Variants in ROPN1L observed in about 807,000 individuals in gnomAD.
The protein encoded by ROPN1L is rhophilin associated tail protein 1 like.
ROPN1L carries 23 observed loss-of-function variants against 22.7 expected under a neutral mutation model. The observed-to-expected ratio is 1.01, with a 90% CI of 0.73 to 1.43. The LOEUF is 1.43. ROPN1L is among the 40% of genes most tolerant of loss of function. The probability of loss-of-function intolerance (pLI) is 0.00; values close to 1 mark genes in which losing one functional copy is unlikely to be tolerated. For synonymous variants in ROPN1L, 116 were observed against 117.8 expected, an observed-to-expected ratio of 0.98 and a Z score of 0.10; for missense variants, 271 against 291.5, an observed-to-expected ratio of 0.93 and a Z score of 0.51.
chr5:10,449,392 A>G (rs1007047024), intron 2 of ROPN1L, among the ~76,000 whole-genome samples: 2 of 151,944 alleles, frequency 1.3e-5, no homozygotes, highest in African/African-American at 4.8e-5. Flanking sequence ...GGTGGTGCGC[A>G]CCTGTAATCC....
At position 10,461,261 on chromosome 5, in the gene ROPN1L, C is replaced by G; in HGVS notation, c.495C>G (p.Phe165Leu). ...DPEGGPARIP[F>L]KTFSYVYRYL... ...AGGGCGGGCCCGCTCGCATCCCCTT[C>G]AAGACGTTTTCCTACGTTTACCGCT... is the stretch of plus-strand genomic sequence containing the variant. Residue 165 changes from phenylalanine to leucine, a missense_variant, in exon 4 of 5, where the codon TTC becomes TTG. Transcript: ENST00000274134. 1 of 1,614,182 alleles carries G rather than the reference C, an allele frequency of 6.2e-7. No individual in the cohort carries two copies. Among genetic ancestry groups the G allele is most frequent in the Non-Finnish European group, 8.5e-7 (1 of 1,180,026 alleles).
At position 10,464,926 on chromosome 5, in the gene ROPN1L, C is replaced by T; in HGVS notation, c.672C>T (p.Asn224=). The T allele has an allele frequency of 6.3e-7, 1 of 1,599,886 alleles. No homozygotes were observed. The highest frequency in any genetic ancestry group is 8.5e-7 in the Non-Finnish European group (1 of 1,171,700). The stretch of plus-strand genomic sequence containing the variant: ...GGAAACTTTTAGAAAGCATTGAAAA[C>T]TCTGAAGATGTAGGCCATTAATACA... The part of the protein sequence containing the change: ...PKRKLLESIE[N]SEDVGH The change falls in exon 5 of 5, where the codon AAC becomes AAT. Residue 224 remains asparagine (N), a synonymous_variant. Transcript: ENST00000274134.
At chr5:10,464,757 G>A (rs932506246) in intron 4 of ROPN1L, 91 bp from the exon 5 acceptor site, 1 of 712,024 alleles carries the variant, frequency 1.4e-6, no homozygotes, top group Non-Finnish European at 2.3e-6. Flanking sequence ...TTTAAAAGTA[G>A]ACCTTTTAAA....
intron 3 of ROPN1L, among the ~76,000 whole-genome samples, chr5:10,455,304 G>A (rs532839653): frequency 1.5e-4 from 23 of 152,290 alleles, no homozygotes; most frequent in African/African-American, 5.1e-4. Flanking sequence ...AAGCCCATTC[G>A]GAAGTGACCA....
At chr5:10,466,180 C>T (rs546367250), downstream of ROPN1L, among the ~76,000 whole-genome samples, 7 of 152,328 alleles carry the variant, frequency 4.6e-5, no homozygotes, top group East Asian at 1.9e-4. Flanking sequence ...GGAGAAAACT[C>T]GTGCGAATGC....
chr5:10,455,872 C>CTTTT (rs757510378), intron 3 of ROPN1L, among the ~76,000 whole-genome samples: 50 of 151,782 alleles, frequency 3.3e-4, no homozygotes, highest in African/African-American at 9.7e-4. Context: ...GGGTCAGAGG[C>CTTTT]ACAGCTTCAC....
intron 3 of ROPN1L, among the ~76,000 whole-genome samples, chr5:10,457,456 A>G (rs1054766500): frequency 1.3e-5 from 2 of 152,204 alleles, no homozygotes; most frequent in African/African-American, 4.8e-5. Flanking sequence ...TGGAGTAGTC[A>G]CTGGGGTGAG....
At chr5:10,445,412 G>A (rs997640886) in intron 1 of ROPN1L, among the ~76,000 whole-genome samples, 3 of 152,174 alleles carry the variant, frequency 2.0e-5, no homozygotes, top group Non-Finnish European at 2.9e-5. Context: ...TGAGTAAGGC[G>A]GGACTTGGTA....
chr5:10,467,274 GAAA>G (rs199945150), downstream of ROPN1L, among the ~76,000 whole-genome samples: 5 of 129,356 alleles, frequency 3.9e-5, no homozygotes, highest in East Asian at 4.0e-4. Context: ...AATGTAAATA[GAAA>G]AAAAAAAAAA....
At chr5:10,472,095 A>G (rs1317954116), downstream of ROPN1L, 2 of 152,272 alleles carry the variant, frequency 1.3e-5, no homozygotes, top group African/African-American at 4.8e-5. Flanking sequence ...AATGATACAC[A>G]GAAAAAACTG....
downstream of ROPN1L, among the ~76,000 whole-genome samples, chr5:10,469,323 A>T (rs1160971899): frequency 2.9e-4 from 4 of 13,746 alleles, no homozygotes; most frequent in Non-Finnish European, 7.9e-4. Context: ...AAAAAATTAA[A>T]AAAAAAAAAA....
At chr5:10,447,754 G>T (rs934904092) in intron 1 of ROPN1L, among the ~76,000 whole-genome samples, 1 of 152,146 alleles carries the variant, frequency 6.6e-6, no homozygotes, top group Non-Finnish European at 1.5e-5. Context: ...GGTGGTGTGT[G>T]CCTGTAGTCC....
At chr5:10,472,539 C>T (rs370330958), downstream of ROPN1L, among the ~76,000 whole-genome samples, 38 of 152,176 alleles carry the variant, frequency 2.5e-4, no homozygotes, top group South Asian at 1.0e-3. Flanking sequence ...GGATATGGGT[C>T]TAGAGTTGTA....
downstream of ROPN1L, among the ~76,000 whole-genome samples, chr5:10,466,206 A>G (rs911408583): frequency 6.6e-6 from 1 of 152,232 alleles, no homozygotes; most frequent in African/African-American, 2.4e-5. Flanking sequence ...TGGGGGGCCC[A>G]AGGAGCGAGT....
At chr5:10,479,540 G>A in the ROPN1L span, 1 of 152,156 alleles carries the variant, frequency 6.6e-6, no homozygotes, top group African/African-American at 2.4e-5. Flanking sequence ...GGGCAGAGGT[G>A]GGGCTGCCAC....
chr5:10,464,421 C>G (rs1735111945), intron 4 of ROPN1L, among the ~76,000 whole-genome samples: 1 of 152,238 alleles, frequency 6.6e-6, no homozygotes, highest in African/African-American at 2.4e-5. Context: ...CTTCTCCTGC[C>G]CGATCCGCGC....
At chr5:10,443,528 A>AT (rs1190936826) in intron 1 of ROPN1L, among the ~76,000 whole-genome samples, 10 of 151,824 alleles carry the variant, frequency 6.6e-5, no homozygotes, top group Admixed American at 6.6e-4. Context: ...AGGCTGAGGC[A>AT]GGAGAATGGC....
chr5:10,442,067 GC>G lies in ROPN1L; in HGVS notation c.-97del, dbSNP rs2126419108. On this transcript the variant is annotated 5_prime_UTR_variant, in exon 1 of 5. It removes the in-frame stop codon of an upstream open reading frame in the 5' UTR. Coordinates refer to ENST00000274134, the MANE Select transcript of ROPN1L (RefSeq NM_031916.5). ...GGATGGGAGGCGGCCCTGGCCGCAA[GC>G]CCCGCGCTGCTAGCGGGTCCACCGC... The G allele has an allele frequency of 1.3e-6, 2 of 1,508,792 alleles. No homozygotes were observed. Among genetic ancestry groups the G allele is most frequent in the South Asian group, 2.5e-5 (2 of 80,000 alleles). 93.5% of individuals were successfully genotyped at this position (1,508,792 alleles called of 1,614,324 possible). A position where few individuals can be genotyped will look rare whatever the true frequency, so the allele number is the denominator to read the frequency against.
downstream of ROPN1L, among the ~76,000 whole-genome samples, chr5:10,467,230 A>G (rs1219107513): frequency 6.6e-6 from 1 of 151,982 alleles, no homozygotes; most frequent in Non-Finnish European, 1.5e-5. Context: ...ATTTTCCCAT[A>G]GAAACATGCA....
Sources: allele counts gnomAD v4.1 joint callset (sites outside exome capture counted in the v4.1 genomes callset), GRCh38; gene constraint gnomAD v4.1.1; transcripts MANE v1.5; gene names NCBI Gene and HGNC (gene_info 2026-07-23, HGNC 2026-07-21).